KCND3: variants seen among roughly 807,000 people sequenced by gnomAD.
KCND3 encodes the protein A-type voltage-gated potassium channel KCND3.
A neutral mutation model predicts 51.1 loss-of-function variants in KCND3; 9 were observed. The ratio of observed to expected loss-of-function variants is 0.18; its 90% confidence interval spans 0.11 to 0.31. KCND3 has a LOEUF of 0.31. Among genes scored for constraint, KCND3 ranks in the 10% least tolerant of loss-of-function variants. The pLI is 1.00. For missense variants in KCND3, 526 were observed against 903.8 expected (o/e 0.58, Z 5.36); for synonymous variants, 349 against 368.0 (o/e 0.95, Z 0.59).
intron 2 of KCND3, among the ~76,000 whole-genome samples, chr1:111,929,757 C>T (rs1671874606): frequency 6.6e-6 from 1 of 152,140 alleles, no homozygotes; most frequent in African/African-American, 2.4e-5. Context: ...ACAGGAACAC[C>T]CTTTGGCTGC....
intron 2 of KCND3, among the ~76,000 whole-genome samples, chr1:111,933,473 G>C (rs1421863259): frequency 6.6e-6 from 1 of 152,188 alleles, no homozygotes; most frequent in Non-Finnish European, 1.5e-5. Flanking sequence ...TCCACATTGA[G>C]TGTCCTGTTA....
chr1:111,853,563 C>G (rs1667918618), intron 2 of KCND3, among the ~76,000 whole-genome samples: 1 of 152,206 alleles, frequency 6.6e-6, no homozygotes, highest in Non-Finnish European at 1.5e-5. Context: ...CACCCCGGCA[C>G]TCCATAGCCT....
chr1:111,987,154 C>T (rs182390472), intron 1 of KCND3, among the ~76,000 whole-genome samples: 1 of 152,214 alleles, frequency 6.6e-6, no homozygotes, highest in East Asian at 1.9e-4. Flanking sequence ...CCTAGTCCTG[C>T]TCTACCCTGA....
Position 111,982,034 on chromosome 1 carries a change from C to T in KCND3, c.693G>A (p.Thr231=), listed in dbSNP as rs749849320. The T allele has an allele frequency of 3.7e-6, 6 of 1,613,670 alleles. No homozygotes were observed. The highest frequency in any genetic ancestry group is 1.6e-4 in the Middle Eastern group (1 of 6,084). The part of the protein sequence containing the change: ...RYSVAFFCLD[T]ACVMIFTVEY... ...CCACGGTGAAGATCATGACGCACGC[C>T]GTGTCCAGGCAGAAGAAGGCCACCG... Residue 231 remains threonine, a synonymous_variant, in exon 2 of 8, where the codon ACG becomes ACA. Coordinates refer to ENST00000302127, the MANE Select transcript of KCND3 (RefSeq NM_001378969.1). The surrounding 1 kb of genome is among the most constrained non-coding windows in gnomAD (Gnocchi z 8.5).
chr1:111,802,373 C>A (rs949414756), intron 2 of KCND3, among the ~76,000 whole-genome samples: 1 of 152,218 alleles, frequency 6.6e-6, no homozygotes, highest in Non-Finnish European at 1.5e-5. Flanking sequence ...TGCCTGCCCC[C>A]GCTCTGGCAG....
At chr1:111,784,047 CT>C (rs1369494978) in intron 3 of KCND3, among the ~76,000 whole-genome samples, 1 of 151,134 alleles carries the variant, frequency 6.6e-6, no homozygotes, top group African/African-American at 2.4e-5. Flanking sequence ...CCACGGGATC[CT>C]TGTGATGTTG....
At chr1:111,971,532 C>A (rs1446335200) in intron 2 of KCND3, among the ~76,000 whole-genome samples, 1 of 151,172 alleles carries the variant, frequency 6.6e-6, no homozygotes, top group African/African-American at 2.4e-5. Context: ...GCTCCCCATG[C>A]CCTCTTCTCT....
intron 2 of KCND3, among the ~76,000 whole-genome samples, chr1:111,877,154 T>A (rs1029221850): frequency 6.6e-5 from 10 of 152,238 alleles, no homozygotes; most frequent in African/African-American, 2.4e-4. Flanking sequence ...AGAGGTTTCC[T>A]GGTCAATTTT....
chr1:111,939,432 A>T (rs1018626782), intron 2 of KCND3, among the ~76,000 whole-genome samples: 1 of 151,930 alleles, frequency 6.6e-6, no homozygotes, highest in Non-Finnish European at 1.5e-5. Flanking sequence ...TCCTGTGCCC[A>T]TATGTTCTCA....
chr1:111,800,945 G>C (rs1665282534), intron 2 of KCND3, among the ~76,000 whole-genome samples: 1 of 152,246 alleles, frequency 6.6e-6, no homozygotes, highest in Non-Finnish European at 1.5e-5. Context: ...TCCAGGCCTT[G>C]AGAGTCAGGG....
At chr1:111,925,349 A>C (rs1671654932) in intron 2 of KCND3, among the ~76,000 whole-genome samples, 3 of 152,226 alleles carry the variant, frequency 2.0e-5, no homozygotes, top group South Asian at 4.1e-4. Context: ...AAGGTCACCC[A>C]AGCTAGCAAG....
intron 2 of KCND3, among the ~76,000 whole-genome samples, chr1:111,825,115 T>C (rs1231399351): frequency 6.6e-6 from 1 of 152,188 alleles, no homozygotes; most frequent in Admixed American, 6.5e-5. Context: ...AACTTAAAAA[T>C]AATAATTCCA....
At chr1:111,778,557 C>G in intron 5 of KCND3, 65 bp from the exon 6 acceptor site, 3 of 1,463,832 alleles carry the variant, frequency 2.0e-6, no homozygotes, top group Non-Finnish European at 2.9e-6. Flanking sequence ...CATTCCCAAG[C>G]CAGTTTTGAC....
At chr1:111,863,076 T>C (rs544067273) in intron 2 of KCND3, among the ~76,000 whole-genome samples, 1 of 152,288 alleles carries the variant, frequency 6.6e-6, no homozygotes, top group South Asian at 2.1e-4. Flanking sequence ...ACAAGGAAAA[T>C]ACATTTATTG....
intron 2 of KCND3, among the ~76,000 whole-genome samples, chr1:111,902,944 C>T (rs759234899): frequency 6.6e-6 from 1 of 152,090 alleles, no homozygotes; most frequent in South Asian, 2.1e-4. Context: ...TTTAAAGATC[C>T]GTATTTACAT....
intron 7 of KCND3, 120 bp from the exon 8 acceptor site, chr1:111,776,398 C>T: frequency 2.2e-6 from 2 of 895,246 alleles, no homozygotes; most frequent in Non-Finnish European, 3.6e-6. Context: ...GCCTCTATCT[C>T]TGCCTTTTGT....
chr1:111,963,474 T>TG (rs1673784843), intron 2 of KCND3, among the ~76,000 whole-genome samples: 2 of 152,202 alleles, frequency 1.3e-5, no homozygotes, highest in Admixed American at 6.5e-5. Flanking sequence ...ACCTGTAAAG[T>TG]GGGGATGATA....
At chr1:111,852,424 G>T (rs562943096) in intron 2 of KCND3, among the ~76,000 whole-genome samples, 2 of 152,356 alleles carry the variant, frequency 1.3e-5, no homozygotes, top group South Asian at 4.1e-4. Context: ...GTGCATGCTG[G>T]CAACAGGCGT....
At chr1:111,845,598 C>A (rs1419686646) in intron 2 of KCND3, among the ~76,000 whole-genome samples, 5 of 152,116 alleles carry the variant, frequency 3.3e-5, no homozygotes, top group Admixed American at 1.3e-4. Context: ...AGTCAGAGAC[C>A]AAGGAGTCAT....
Sources: gnomAD v4.1 joint callset for allele counts (sites outside exome capture counted in the v4.1 genomes callset) on GRCh38, gnomAD v4.1.1 for gene constraint, Gnocchi (gnomAD v3.1) non-coding constraint, MANE v1.5 for transcripts, NCBI Gene and HGNC (gene_info 2026-07-23, HGNC 2026-07-21) for gene names.